Variants in TENM2 observed in about 807,000 individuals in gnomAD.
TENM2 encodes teneurin-2.
Under a neutral mutation model 245.2 loss-of-function variants are expected in TENM2, and 52 were observed. The observed-to-expected ratio is 0.21, with a 90% CI of 0.17 to 0.27. The LOEUF is 0.27. Ranked by LOEUF, TENM2 falls within the 10% of genes least tolerant of loss-of-function variation. TENM2 has a pLI of 1.00. For missense variants in TENM2, 3,046 were observed against 3,666.8 expected (o/e 0.83, Z 4.37); for synonymous variants, 1,363 against 1,438.9 (o/e 0.95, Z 1.19).
At chr5:167,883,881 A>C (rs1198656960) in intron 3 of TENM2, among the ~76,000 whole-genome samples, 1 of 152,200 alleles carries the variant, frequency 6.6e-6, no homozygotes, top group Non-Finnish European at 1.5e-5. Context: ...GTTGAATCAA[A>C]GGATTTCATT....
chr5:167,366,051 C>T (rs773672518), intron 1 of TENM2, among the ~76,000 whole-genome samples: 29 of 151,780 alleles, frequency 1.9e-4, no homozygotes, highest in Non-Finnish European at 3.7e-4. Flanking sequence ...AAACTAAAAA[C>T]ATACACAGAC....
chr5:167,617,649 C>T (rs1044771950), intron 2 of TENM2, among the ~76,000 whole-genome samples: 1 of 152,164 alleles, frequency 6.6e-6, no homozygotes, highest in Non-Finnish European at 1.5e-5. Context: ...ACCCACTCAA[C>T]TCTAATATCC....
intron 2 of TENM2, among the ~76,000 whole-genome samples, chr5:167,671,622 T>A (rs1755949326): frequency 6.6e-6 from 1 of 152,060 alleles, no homozygotes. Flanking sequence ...TGTATGTCTT[T>A]ATGAATAAGT....
chr5:167,305,113 C>T (rs945033392), intron 1 of TENM2, among the ~76,000 whole-genome samples: 2 of 152,252 alleles, frequency 1.3e-5, no homozygotes, highest in South Asian at 2.1e-4. Context: ...TCCCCCTGTG[C>T]GATTTCTGTC....
intron 2 of TENM2, among the ~76,000 whole-genome samples, chr5:167,499,357 T>C (rs1769023088): frequency 6.6e-6 from 1 of 152,144 alleles, no homozygotes; most frequent in South Asian, 2.1e-4. Context: ...AGGCAGGCTA[T>C]AGCACCAGTG....
At chr5:167,728,865 C>T (rs1392480434) in intron 2 of TENM2, 4 of 152,198 alleles carry the variant, frequency 2.6e-5, no homozygotes, top group East Asian at 3.9e-4. Context: ...TGTATGCTGT[C>T]GAGGCCAGGC....
At chr5:167,106,855 T>A in the TENM2 span, among the ~76,000 whole-genome samples, 1 of 151,902 alleles carries the variant, frequency 6.6e-6, no homozygotes, top group Non-Finnish European at 1.5e-5. Flanking sequence ...GACAAGGACA[T>A]GGGAGAAACT....
chr5:168,190,798 C>T lies in TENM2; in HGVS notation c.2780+251C>T, dbSNP rs192707823. 572 of 356,890 alleles carry T rather than the reference C, an allele frequency of 1.6e-3. 5 individuals are homozygous for T. Among genetic ancestry groups the T allele is most frequent in the Middle Eastern group, 7.4e-3 (10 of 1,352 alleles). The allele number at this position is 356,890 out of a possible 1,614,324, so 22.1% of individuals were successfully genotyped here. On this transcript the variant is annotated intron_variant, in intron 14 of 28. Transcript: ENST00000518659. ...AACCTGCTGGAGACACCTGTTGATT[C>T]CCTGGTTTTTAGATCATTTTTAAAA...
At chr5:167,377,506 C>T (rs956086257) in intron 2 of TENM2, among the ~76,000 whole-genome samples, 16 of 152,200 alleles carry the variant, frequency 1.1e-4, no homozygotes, top group African/African-American at 3.9e-4. Flanking sequence ...CTTTGTTTTT[C>T]TTTTTAAAAC....
chr5:167,636,300 A>G (rs984169147), intron 2 of TENM2, among the ~76,000 whole-genome samples: 1 of 152,232 alleles, frequency 6.6e-6, no homozygotes, highest in Non-Finnish European at 1.5e-5. Context: ...CACTTCTGTG[A>G]AAAGCATAAT....
At chr5:167,876,054 C>A in exon 3 of TENM2, 2 of 1,551,564 alleles carry the variant, frequency 1.3e-6, no homozygotes, top group East Asian at 2.4e-5. Flanking sequence ...CTCCCATAAT[C>A]CTCCACCAGT....
At chr5:168,235,578 G>A (rs747878408) in intron 25 of TENM2, among the ~76,000 whole-genome samples, 2 of 152,186 alleles carry the variant, frequency 1.3e-5, no homozygotes, top group Non-Finnish European at 1.5e-5. Context: ...AGGCCCAGAC[G>A]GGTGGATGAC....
chr5:167,800,060 G>A (rs1299274194), intron 2 of TENM2, among the ~76,000 whole-genome samples: 1 of 152,174 alleles, frequency 6.6e-6, no homozygotes, highest in Non-Finnish European at 1.5e-5. Context: ...ATCCACATGA[G>A]GAAAGGTATA....
chr5:167,284,076 G>C (rs1395351968), upstream of TENM2, among the ~76,000 whole-genome samples: 2 of 152,130 alleles, frequency 1.3e-5, no homozygotes, highest in South Asian at 4.1e-4. Flanking sequence ...TTATCATGTT[G>C]GTGGGTGACT....
chr5:167,716,356 C>G lies in TENM2; in HGVS notation c.503-159630C>G, dbSNP rs537168366. On this transcript the variant is annotated intron_variant, in intron 2 of 28. Transcript: ENST00000518659. ...GAATACCACCCAGTTCTCGCTGTTG[C>G]ATCGTATCTGTGAAATGTGCATCAT... Among the ~76,000 whole-genome samples, 166 of 152,348 alleles carry G rather than the reference C, an allele frequency of 1.1e-3. 2 individuals carry two copies. Among genetic ancestry groups the G allele is most frequent in the African/African-American group, 3.3e-3 (138 of 41,580 alleles).
intron 3 of TENM2, among the ~76,000 whole-genome samples, chr5:167,933,008 T>G (rs1195847734): frequency 6.6e-6 from 1 of 152,142 alleles, no homozygotes; most frequent in East Asian, 1.9e-4. Context: ...TTTTCAAATA[T>G]AAGGTGATCT....
chr5:167,225,224 G>A, the TENM2 span, among the ~76,000 whole-genome samples: 1 of 151,982 alleles, frequency 6.6e-6, no homozygotes, highest in Non-Finnish European at 1.5e-5. Context: ...GTGAAAGTGG[G>A]CATTCTTGTC....
chr5:167,116,041 GCTCT>G, the TENM2 span, among the ~76,000 whole-genome samples: 1 of 152,192 alleles, frequency 6.6e-6, no homozygotes, highest in Non-Finnish European at 1.5e-5. Flanking sequence ...CACATGGTAA[GCTCT>G]CTGAGAATGT....
At chr5:167,982,398 A>G (rs1291726268) in intron 4 of TENM2, among the ~76,000 whole-genome samples, 2 of 152,192 alleles carry the variant, frequency 1.3e-5, no homozygotes, top group African/African-American at 2.4e-5. Context: ...TGCTCAATAA[A>G]TACTGGCTGG....
Sources: allele counts gnomAD v4.1 joint callset (sites outside exome capture counted in the v4.1 genomes callset), GRCh38; gene constraint gnomAD v4.1.1; transcripts MANE v1.5; gene names NCBI Gene and HGNC (gene_info 2026-07-23, HGNC 2026-07-21).